The following RNF128 variants were observed in gnomAD, a reference collection of about 807,000 sequenced individuals.
The protein encoded by RNF128 is E3 ubiquitin-protein ligase RNF128.
Under a neutral mutation model 26.2 loss-of-function variants are expected in RNF128, and 13 were observed. The observed-to-expected ratio is 0.50, with a 90% confidence interval of 0.32 to 0.79. The LOEUF (loss-of-function observed/expected upper bound fraction) is 0.79. RNF128 is among the 30% of genes least tolerant of loss of function. The pLI is 0.03. For synonymous variants in RNF128, 149 were observed against 142.5 expected (o/e 1.05, Z -0.32); for missense variants, 315 against 349.7 (o/e 0.90, Z 0.79).
intron 1 of RNF128, among the ~76,000 whole-genome samples, chrX:106,765,540 A>G (rs1174021407): frequency 9.0e-6 from 1 of 111,698 alleles, no homozygotes; most frequent in East Asian, 2.8e-4. Flanking sequence ...CCAAATAAAT[A>G]GAAAAAAGGG....
At chrX:106,737,808 G>A (rs186223158) in intron 1 of RNF128, among the ~76,000 whole-genome samples, 2 of 111,915 alleles carry the variant, frequency 1.8e-5, no homozygotes. Context: ...TCATAGGTGT[G>A]TTTCAATCAA....
chrX:106,766,859 T>C (rs913127590), intron 1 of RNF128, among the ~76,000 whole-genome samples: 9 of 111,958 alleles, frequency 8.0e-5, no homozygotes, highest in African/African-American at 2.6e-4. Context: ...GTCTAATATT[T>C]AGGTCTTTAA....
chrX:106,742,458 C>T (rs1461282614), intron 1 of RNF128, among the ~76,000 whole-genome samples: 1 of 111,369 alleles, frequency 9.0e-6, no homozygotes, highest in African/African-American at 3.3e-5. Flanking sequence ...CCCAGACATA[C>T]TGAATGAAGG....
intron 1 of RNF128, among the ~76,000 whole-genome samples, chrX:106,719,343 C>T (rs1929273152): frequency 9.0e-6 from 1 of 110,872 alleles, no homozygotes; most frequent in South Asian, 3.9e-4. Flanking sequence ...GTCTCAGCCT[C>T]TCGAGTACCT....
At chrX:106,760,516 A>C (rs983183597) in intron 1 of RNF128, among the ~76,000 whole-genome samples, 5 of 112,166 alleles carry the variant, frequency 4.5e-5, no homozygotes, top group Non-Finnish European at 9.4e-5. Flanking sequence ...GAGAAAAGGG[A>C]ACTCTTATAT....
At chrX:106,762,569 C>T (rs1440031931) in intron 1 of RNF128, among the ~76,000 whole-genome samples, 1 of 111,102 alleles carries the variant, frequency 9.0e-6, no homozygotes, top group Non-Finnish European at 1.9e-5. Flanking sequence ...CCCCATCGGC[C>T]TCCCAAAGTG....
At chrX:106,706,406 C>A (rs1030077706) in intron 1 of RNF128, among the ~76,000 whole-genome samples, 1 of 108,948 alleles carries the variant, frequency 9.2e-6, no homozygotes, top group Non-Finnish European at 1.9e-5. Flanking sequence ...CAAAAAAAAA[C>A]AAGGGTTTAC....
rs1317054897 is a variant in RNF128 at position 106,727,023 on chromosome X, G to C, written c.110G>C (p.Arg37Pro). 8.3e-7 allele frequency: 1 copy of C among 1,204,538 alleles called. No individual in the cohort carries two copies. Among genetic ancestry groups the C allele is most frequent in the African/African-American group, 1.7e-5 (1 of 57,555 alleles). Reference protein sequence around the residue: ...LALSPQAPGSRGAEAVWTAYL... With the variant: ...LALSPQAPGSPGAEAVWTAYL... ...CTGAGTCCGCAGGCACCCGGTTCCC[G>C]GGGGGCTGAAGCAGTGTGGACCGCG... Residue 37 changes from arginine (R) to proline (P), a missense_variant, in exon 1 of 7, where the codon CGG becomes CCG. Coordinates refer to ENST00000255499, the MANE Select transcript of RNF128 (RefSeq NM_194463.2).
intron 6 of RNF128, among the ~76,000 whole-genome samples, chrX:106,795,287 G>A (rs1243604627): frequency 9.0e-6 from 1 of 111,343 alleles, no homozygotes; most frequent in Admixed American, 9.6e-5. Context: ...TATATTTAAG[G>A]TAAGGAAGAA....
At chrX:106,784,637 A>G (rs1319604784) in intron 2 of RNF128, among the ~76,000 whole-genome samples, 1 of 111,937 alleles carries the variant, frequency 8.9e-6, no homozygotes, top group Non-Finnish European at 1.9e-5. Context: ...TGATAAAGTC[A>G]GATTTTGAAC....
At chrX:106,790,395 C>T in intron 5 of RNF128, 113 bp downstream of exon 5, 1 of 446,279 alleles carries the variant, frequency 2.2e-6, no homozygotes, top group Non-Finnish European at 3.9e-6. Context: ...ATAGTTTATA[C>T]CTAAAACCAG....
chrX:106,766,115 T>C (rs1413515665), intron 1 of RNF128, among the ~76,000 whole-genome samples: 2 of 112,011 alleles, frequency 1.8e-5, no homozygotes, highest in Admixed American at 9.5e-5. Flanking sequence ...CAGTCTATTA[T>C]TGAAGGACAT....
chrX:106,746,032 A>G (rs751389606), intron 1 of RNF128, among the ~76,000 whole-genome samples: 1 of 111,315 alleles, frequency 9.0e-6, no homozygotes, highest in South Asian at 3.8e-4. Context: ...AGATTTTATA[A>G]TGGAGGAAAT....
intron 2 of RNF128, among the ~76,000 whole-genome samples, chrX:106,784,464 A>AC (rs1384801297): frequency 8.9e-6 from 1 of 111,968 alleles, no homozygotes; most frequent in African/African-American, 3.2e-5. Context: ...ATAAAAGGCG[A>AC]CCACTCTCAG....
At chrX:106,790,386 T>C (rs776948858) in intron 5 of RNF128, 104 bp downstream of exon 5, 8 of 489,879 alleles carry the variant, frequency 1.6e-5, no homozygotes, top group Admixed American at 1.4e-4. Context: ...ACCATACTTA[T>C]AGTTTATACC....
rs747373769 is a variant in RNF128, at chrX:106,696,163, T to C, written c.406+1755T>C. On this transcript the variant is annotated intron_variant, in intron 1 of 6. Transcript: ENST00000324342. The stretch of plus-strand genomic sequence containing the variant: ...TTTAAAATAAACACATTGAAAAAGA[T>C]AGCATAATGATCATAACTGTGATAG... Among the ~76,000 whole-genome samples, 4 of 112,243 alleles carry C rather than the reference T, an allele frequency of 3.6e-5. No homozygotes were observed. The South Asian group carries it at 1.5e-3, about 42-fold the overall frequency.
intron 3 of RNF128, among the ~76,000 whole-genome samples, chrX:106,786,033 A>G (rs886988689): frequency 8.9e-6 from 1 of 112,009 alleles, no homozygotes; most frequent in East Asian, 2.8e-4. Context: ...CAGTTTCAAT[A>G]AAAATCCTAG....
At chrX:106,723,949 C>T (rs896151744), upstream of RNF128, among the ~76,000 whole-genome samples, 9 of 111,242 alleles carry the variant, frequency 8.1e-5, no homozygotes, top group African/African-American at 2.9e-4. Flanking sequence ...TTTCTTTTGT[C>T]TCTCTACACC....
chrX:106,751,355 A>T (rs1262677656), intron 1 of RNF128, among the ~76,000 whole-genome samples: 1 of 110,832 alleles, frequency 9.0e-6, no homozygotes, highest in African/African-American at 3.3e-5. Context: ...CATGGGGCAT[A>T]ATTGTGCCCA....
Sources: gnomAD v4.1 joint callset for allele counts (sites outside exome capture counted in the v4.1 genomes callset) on GRCh38, gnomAD v4.1.1 for gene constraint, MANE v1.5 for transcripts, NCBI Gene and HGNC (gene_info 2026-07-23, HGNC 2026-07-21) for gene names.